Variants in ZNF362 observed in about 807,000 individuals in gnomAD.
ZNF362 encodes the protein rotund homolog.
In ZNF362, 11 loss-of-function variants were observed where a neutral mutation model predicts 42.9. The observed-to-expected ratio is 0.26, with a 90% CI of 0.16 to 0.42. ZNF362 has a LOEUF of 0.42. ZNF362 is among the 20% of genes least tolerant of loss of function. The probability of loss-of-function intolerance (pLI) is 1.00; values close to 1 mark genes in which losing one functional copy is unlikely to be tolerated. For missense variants in ZNF362, 362 were observed against 576.2 expected (o/e 0.63, Z 3.81); for synonymous variants, 255 against 257.3 (o/e 0.99, Z 0.09).
rs542820421 is a variant in ZNF362 at position 33,281,561 on chromosome 1, A to G, written c.684-26A>G. 6 of 1,611,954 alleles carry G rather than the reference A, an allele frequency of 3.7e-6. No homozygotes were observed. The highest frequency in any genetic ancestry group is 5.1e-6 in the Non-Finnish European group (6 of 1,178,212). On this transcript the variant is annotated intron_variant, in intron 5 of 8. Coordinates refer to ENST00000539719, the MANE Select transcript of ZNF362 (RefSeq NM_152493.3). The surrounding 1 kb of genome is among the most constrained non-coding windows in gnomAD (Gnocchi z 4.8). ...GATGGACAGTCTGGGGGATCTTCCC[A>G]CGTGAACCTGTCTCTTGCTCCGCAG... is the stretch of plus-strand genomic sequence containing the variant.
the ZNF362 span, chr1:33,162,954 T>C: frequency 6.6e-6 from 1 of 152,222 alleles, no homozygotes; most frequent in African/African-American, 2.4e-5. Context: ...TGTGCCTCAG[T>C]TGCCTCACTG....
At chr1:33,288,765 A>AAAAAAAAAAAAAAAAAAG (rs1646051958) in intron 6 of ZNF362, among the ~76,000 whole-genome samples, 1 of 133,616 alleles carries the variant, frequency 7.5e-6, no homozygotes, top group Non-Finnish European at 1.7e-5. Flanking sequence ...AAAAAAAAGA[A>AAAAAAAAAAAAAAAAAAG]GCGTGACCAC....
the ZNF362 span, among the ~76,000 whole-genome samples, chr1:33,182,310 A>G: frequency 6.6e-6 from 1 of 152,214 alleles, no homozygotes; most frequent in Non-Finnish European, 1.5e-5. Context: ...ACAAATAAAC[A>G]AGGAGCATCT....
chr1:33,181,591 A>C, the ZNF362 span: 7 of 1,328,532 alleles, frequency 5.3e-6, no homozygotes, highest in Non-Finnish European at 6.9e-6. This position sits in a 1 kb window ranked among gnomAD's most constrained non-coding sequence, Gnocchi z 6.5. Flanking sequence ...GTCCGGAAGG[A>C]GGGTAACGCG....
chr1:33,238,592 G>C, the ZNF362 span, among the ~76,000 whole-genome samples: 1 of 151,994 alleles, frequency 6.6e-6, no homozygotes, highest in Admixed American at 6.6e-5. Context: ...CATGTAGCCA[G>C]AGCGAAGGGA....
chr1:33,205,767 T>A, the ZNF362 span, among the ~76,000 whole-genome samples: 1 of 151,860 alleles, frequency 6.6e-6, no homozygotes, highest in African/African-American at 2.4e-5. Context: ...TACAAAAAAA[T>A]TAGCCAGATG....
chr1:33,271,616 G>C lies in ZNF362; in HGVS notation c.38+1004G>C, dbSNP rs113616214. On this transcript the variant is annotated intron_variant, in intron 2 of 8. Coordinates refer to ENST00000539719, the MANE Select transcript of ZNF362 (RefSeq NM_152493.3). Reference sequence around the variant, plus strand: ...CAGTGGCTGGGACTGTTGGAGAAGAGTGGGTGGGCTTGAGAGAGATTTTGG... The same window carrying C: ...CAGTGGCTGGGACTGTTGGAGAAGACTGGGTGGGCTTGAGAGAGATTTTGG... Among the ~76,000 whole-genome samples, 255 of 152,358 alleles carry C rather than the reference G, an allele frequency of 1.7e-3. 7 individuals carry two copies. The highest frequency in any genetic ancestry group is 5.4e-3 in the African/African-American group (225 of 41,586).
upstream of ZNF362, among the ~76,000 whole-genome samples, chr1:33,252,445 C>G (rs114092692): frequency 0.011 from 1,734 of 152,290 alleles, 33 homozygotes; most frequent in African/African-American, 0.039. Flanking sequence ...GTCACAAGTT[C>G]CAGTGGGTGC....
chr1:33,276,414 C>T lies in ZNF362; in HGVS notation c.169C>T (p.His57Tyr), dbSNP rs373426869. The part of the protein sequence containing the change: ...QLMAEKIRPP[H>Y]LPPTSASSQQ... ...GATGGCCGAGAAGATCAGGCCGCCT[C>T]ACCTGCCGCCCACGTCGGCCTCGTC... The change falls in exon 4 of 9, where the codon CAC becomes TAC. Residue 57 changes from histidine (H) to tyrosine (Y), a missense_variant. By Grantham distance (83) the His-to-Tyr change is moderately conservative. This residue lies in a region of ZNF362 where 266 missense variants were observed against 365.4 expected (regional missense o/e 0.73). Transcript: ENST00000539719. 6.3e-7 allele frequency: 1 copy of T among 1,582,490 alleles called. No individual in the cohort carries two copies. The highest frequency in any genetic ancestry group is 1.3e-5 in the African/African-American group (1 of 74,180).
the ZNF362 span, among the ~76,000 whole-genome samples, chr1:33,228,385 G>C: frequency 6.6e-6 from 1 of 152,066 alleles, no homozygotes; most frequent in Non-Finnish European, 1.5e-5. Flanking sequence ...TTTGTCCCCA[G>C]TCCTGACTTT....
At position 33,294,776 on chromosome 1, in the gene ZNF362, C is replaced by T. The variant is rs888491334; in HGVS notation, c.909-161C>T. ...CAGAGAAGGAAGGAAGAGCCATGGCCGTTGAAGTCCCCAGCTCTTGCCTGG... is the reference window on the plus strand; with the variant it reads ...CAGAGAAGGAAGGAAGAGCCATGGCTGTTGAAGTCCCCAGCTCTTGCCTGG... On this transcript the variant is annotated intron_variant, in intron 6 of 8. Transcript: ENST00000539719. The surrounding 1 kb of genome is among the most constrained non-coding windows in gnomAD (Gnocchi z 4.2). Among the ~76,000 whole-genome samples, 2 of 152,054 alleles carry T rather than the reference C, an allele frequency of 1.3e-5. No homozygotes were observed. Among genetic ancestry groups the T allele is most frequent in the African/African-American group, 2.4e-5 (1 of 41,388 alleles).
In ZNF362 at chr1:33,294,168, G is replaced by A. The variant is rs1180914722; in HGVS notation, c.909-769G>A. On this transcript the variant is annotated intron_variant, in intron 6 of 8. Coordinates refer to ENST00000539719, the MANE Select transcript of ZNF362 (RefSeq NM_152493.3). The surrounding 1 kb of genome is among the most constrained non-coding windows in gnomAD (Gnocchi z 4.2). ...AATAACGATAACTGGCAAACGTTGA[G>A]TGCTTACTTTGTACCAACACTAGGC... 6.6e-6 allele frequency among the ~76,000 whole-genome samples: 1 copy of A among 152,236 alleles called. No homozygotes were observed. The highest frequency in any genetic ancestry group is 2.4e-5 in the African/African-American group (1 of 41,452).
upstream of ZNF362, among the ~76,000 whole-genome samples, chr1:33,256,280 T>C (rs1227116638): frequency 3.0e-5 from 4 of 135,012 alleles, no homozygotes; most frequent in African/African-American, 1.1e-4. Flanking sequence ...CCCCCTCCCC[T>C]CTCGCGCAGT....
At chr1:33,243,549 T>C in the ZNF362 span, among the ~76,000 whole-genome samples, 2 of 152,080 alleles carry the variant, frequency 1.3e-5, no homozygotes, top group East Asian at 3.9e-4. Flanking sequence ...TTATAAGTGA[T>C]GGACCTGAAG....
chr1:33,162,176 C>A, the ZNF362 span, among the ~76,000 whole-genome samples: 1 of 152,188 alleles, frequency 6.6e-6, no homozygotes, highest in Non-Finnish European at 1.5e-5. Context: ...AGTTTAGGAA[C>A]CTTCTTTAGC....
the ZNF362 span, among the ~76,000 whole-genome samples, chr1:33,168,085 T>C: frequency 6.6e-6 from 1 of 152,020 alleles, no homozygotes; most frequent in Non-Finnish European, 1.5e-5. Context: ...GAGGGGACTT[T>C]AGGTAGGGTG....
chr1:33,284,081 C>T (rs1646015311), intron 6 of ZNF362, among the ~76,000 whole-genome samples: 1 of 152,224 alleles, frequency 6.6e-6, no homozygotes, highest in Non-Finnish European at 1.5e-5. Context: ...TCCAATTCAC[C>T]TCTGCCAGAT....
chr1:33,147,759 G>A, the ZNF362 span: 19 of 1,592,200 alleles, frequency 1.2e-5, 1 homozygote, highest in South Asian at 2.2e-4. This position sits in a 1 kb window ranked among gnomAD's most constrained non-coding sequence, Gnocchi z 8.1. Flanking sequence ...GAGAAGATGA[G>A]TGGGGAGAAG....
the ZNF362 span, among the ~76,000 whole-genome samples, chr1:33,161,648 C>T: frequency 0.68 from 103,210 of 151,838 alleles, 35,731 homozygotes; most frequent in Non-Finnish European, 0.75. This position sits in a 1 kb window ranked among gnomAD's most constrained non-coding sequence, Gnocchi z 4.3. Flanking sequence ...TTCCTGAGCC[C>T]CCTCACCCGG....
Sources: gnomAD v4.1 joint callset for allele counts (sites outside exome capture counted in the v4.1 genomes callset) on GRCh38, gnomAD v4.1.1 for gene constraint, gnomAD v4.1.1 regional missense constraint, Gnocchi (gnomAD v3.1) non-coding constraint, MANE v1.5 for transcripts, NCBI Gene and HGNC (gene_info 2026-07-23, HGNC 2026-07-21) for gene names.